The following FSTL4 variants were observed in gnomAD, a reference collection of about 807,000 sequenced individuals.
FSTL4 encodes the protein follistatin-related protein 4.
FSTL4 carries 28 observed loss-of-function variants against 78.2 expected under a neutral mutation model. The ratio of observed to expected loss-of-function variants is 0.36; its 90% CI spans 0.27 to 0.49. The LOEUF (loss-of-function observed/expected upper bound fraction) is 0.49, where lower values mean the gene tolerates loss of function less well. Ranked by LOEUF, FSTL4 falls within the 20% of genes least tolerant of loss-of-function variation. FSTL4 has a pLI of 0.98. For synonymous variants in FSTL4, 422 were observed against 440.5 expected (o/e 0.96, Z 0.53); for missense variants, 922 against 1,084.9 (o/e 0.85, Z 2.11).
chr5:133,554,564 C>T (rs976085509), intron 3 of FSTL4, among the ~76,000 whole-genome samples: 2 of 152,142 alleles, frequency 1.3e-5, no homozygotes, highest in Non-Finnish European at 2.9e-5. Context: ...CCAGAATTCT[C>T]GTGGGCAAGA....
At chr5:133,437,330 A>G (rs892417869) in intron 3 of FSTL4, among the ~76,000 whole-genome samples, 1 of 152,140 alleles carries the variant, frequency 6.6e-6, no homozygotes, top group Non-Finnish European at 1.5e-5. Flanking sequence ...CTTGGGCACT[A>G]TTTCAACCTT....
At chr5:133,539,203 C>T (rs191616284) in intron 3 of FSTL4, among the ~76,000 whole-genome samples, 1 of 151,544 alleles carries the variant, frequency 6.6e-6, no homozygotes, top group African/African-American at 2.4e-5. Flanking sequence ...TAAGGATATG[C>T]GTGATGAGAG....
chr5:133,449,039 G>A (rs1030590069), intron 3 of FSTL4, among the ~76,000 whole-genome samples: 3 of 152,010 alleles, frequency 2.0e-5, no homozygotes, highest in African/African-American at 7.3e-5. Flanking sequence ...ATATTATATA[G>A]ACAGGGGTTG....
chr5:133,661,153 G>A, the FSTL4 span, among the ~76,000 whole-genome samples: 1 of 152,146 alleles, frequency 6.6e-6, no homozygotes, highest in African/African-American at 2.4e-5. Flanking sequence ...ATCATGCCTG[G>A]CTAATTTTTG....
chr5:133,448,728 G>A (rs934045813), intron 3 of FSTL4, among the ~76,000 whole-genome samples: 8 of 127,478 alleles, frequency 6.3e-5, no homozygotes, highest in Non-Finnish European at 1.2e-4. Context: ...GAATCCCCAG[G>A]GGTGCGGGGG....
chr5:133,478,608 A>G (rs916431459), intron 3 of FSTL4, among the ~76,000 whole-genome samples: 16 of 152,358 alleles, frequency 1.1e-4, no homozygotes, highest in African/African-American at 3.8e-4. Flanking sequence ...GTAGTTTATC[A>G]TCTGCCTGAT....
chr5:133,838,625 T>C, the FSTL4 span, among the ~76,000 whole-genome samples: 3 of 151,672 alleles, frequency 2.0e-5, no homozygotes, highest in African/African-American at 7.2e-5. Flanking sequence ...ACTATCTTTA[T>C]GTACTCTCTC....
intron 3 of FSTL4, among the ~76,000 whole-genome samples, chr5:133,434,039 A>G (rs1037960430): frequency 6.6e-6 from 1 of 152,080 alleles, no homozygotes; most frequent in Non-Finnish European, 1.5e-5. Context: ...TCTGATTTAC[A>G]TTGAAAACAG....
At chr5:133,465,190 C>T (rs1305760646) in intron 3 of FSTL4, among the ~76,000 whole-genome samples, 1 of 152,206 alleles carries the variant, frequency 6.6e-6, no homozygotes, top group Non-Finnish European at 1.5e-5. Flanking sequence ...CTCCCCTGGC[C>T]TCTGCCCATG....
At chr5:133,529,393 T>C (rs1210377636) in intron 3 of FSTL4, among the ~76,000 whole-genome samples, 2 of 152,170 alleles carry the variant, frequency 1.3e-5, no homozygotes, top group Non-Finnish European at 2.9e-5. Context: ...GTCTTCCCTA[T>C]GAGACAAAAA....
the FSTL4 span, among the ~76,000 whole-genome samples, chr5:133,700,218 T>C: frequency 1.4e-3 from 110 of 78,814 alleles, no homozygotes; most frequent in African/African-American, 2.4e-3. Context: ...TCACACAAAG[T>C]CACCACACCA....
the FSTL4 span, among the ~76,000 whole-genome samples, chr5:133,645,267 T>G: frequency 6.6e-6 from 1 of 152,160 alleles, no homozygotes; most frequent in African/African-American, 2.4e-5. Flanking sequence ...GAAACTATAC[T>G]ATGAAACTGA....
In FSTL4 at chr5:133,302,277, A is replaced by C. The variant is rs73788050; in HGVS notation, c.727+10377T>G. 5.1e-3 allele frequency among the ~76,000 whole-genome samples: 776 copies of C among 152,236 alleles called. 10 individuals are homozygous for C. Among genetic ancestry groups the C allele is most frequent in the African/African-American group, 0.018 (745 of 41,556 alleles). On this transcript the variant is annotated intron_variant, in intron 6 of 15. Transcript: ENST00000265342. ...ACATCTGCTCCTCCATCCACGGGGA[A>C]GATCTCCCATTGGTTTATTTCCAGG...
chr5:133,630,625 C>A, the FSTL4 span, among the ~76,000 whole-genome samples: 1 of 152,128 alleles, frequency 6.6e-6, no homozygotes, highest in Non-Finnish European at 1.5e-5. Flanking sequence ...ACTTTCTTTA[C>A]AGAATTAGAA....
At chr5:133,252,208 G>A (rs1227292995) in intron 6 of FSTL4, 2 of 152,226 alleles carry the variant, frequency 1.3e-5, no homozygotes, top group Non-Finnish European at 2.9e-5. Context: ...ATTGGGGTGA[G>A]GCTTGTAAAG....
At chr5:133,634,911 G>A in the FSTL4 span, among the ~76,000 whole-genome samples, 1 of 152,170 alleles carries the variant, frequency 6.6e-6, no homozygotes, top group African/African-American at 2.4e-5. Context: ...ATGGATTGGA[G>A]AGTACTGCCT....
At chr5:133,536,457 T>C (rs928429734) in intron 3 of FSTL4, among the ~76,000 whole-genome samples, 1 of 152,168 alleles carries the variant, frequency 6.6e-6, no homozygotes, top group Non-Finnish European at 1.5e-5. Context: ...TATGACATGA[T>C]TGTATTGTCA....
chr5:133,488,435 G>T (rs1199276513), intron 3 of FSTL4, among the ~76,000 whole-genome samples: 1 of 152,078 alleles, frequency 6.6e-6, no homozygotes, highest in African/African-American at 2.4e-5. Flanking sequence ...TTATATTTTG[G>T]TAGAGATGTG....
At chr5:133,271,116 C>T (rs2126847149) in intron 6 of FSTL4, among the ~76,000 whole-genome samples, 1 of 152,342 alleles carries the variant, frequency 6.6e-6, no homozygotes. Context: ...AGGGCCCTCT[C>T]AGTCTCCTGG....
Sources: gnomAD v4.1 joint callset for allele counts (sites outside exome capture counted in the v4.1 genomes callset) on GRCh38, gnomAD v4.1.1 for gene constraint, MANE v1.5 for transcripts, NCBI Gene and HGNC (gene_info 2026-07-23, HGNC 2026-07-21) for gene names.